The following BNC2 variants were observed in gnomAD, a reference collection of about 807,000 sequenced individuals.
BNC2 encodes zinc finger protein basonuclin-2.
A neutral mutation model predicts 76.3 loss-of-function variants in BNC2; 20 were observed. The observed-to-expected ratio is 0.26, with a 90% confidence interval of 0.18 to 0.38. The LOEUF (loss-of-function observed/expected upper bound fraction) is 0.38, where lower values mean the gene tolerates loss of function less well. Ranked by LOEUF, BNC2 falls within the 10% of genes least tolerant of loss-of-function variation. The pLI is 1.00. For synonymous variants in BNC2, 582 were observed against 514.8 expected (o/e 1.13, Z -1.77); for missense variants, 1,382 against 1,399.8 (o/e 0.99, Z 0.20).
intron 3 of BNC2, among the ~76,000 whole-genome samples, chr9:16,584,043 T>C (rs910400028): frequency 6.6e-6 from 1 of 152,220 alleles, no homozygotes; most frequent in African/African-American, 2.4e-5. Context: ...ATTTATCTCA[T>C]ACAGTTAATT....
intron 3 of BNC2, among the ~76,000 whole-genome samples, chr9:16,711,047 G>A (rs1259192783): frequency 6.6e-6 from 1 of 151,838 alleles, no homozygotes; most frequent in Admixed American, 6.6e-5. Context: ...TCCCTCTAAT[G>A]AGAGCAGATG....
chr9:16,578,341 A>G (rs901544688), intron 4 of BNC2, among the ~76,000 whole-genome samples: 1 of 152,212 alleles, frequency 6.6e-6, no homozygotes, highest in African/African-American at 2.4e-5. Flanking sequence ...CATCTAAACT[A>G]TGGACATTAA....
chr9:16,411,549 A>G lies in BNC2; in HGVS notation c.*7440T>C, dbSNP rs1188066374. On this transcript the variant is annotated 3_prime_UTR_variant, in exon 7 of 7. Coordinates refer to ENST00000380672, the MANE Select transcript of BNC2 (RefSeq NM_017637.6). ...CAACTGGTTTTTCAATTAGGATTCTATTAAGATGTCTGATAAACGATTGTA... is the reference window on the plus strand; with the variant it reads ...CAACTGGTTTTTCAATTAGGATTCTGTTAAGATGTCTGATAAACGATTGTA... 1 of 152,632 alleles carries G rather than the reference A, an allele frequency of 6.6e-6. No homozygotes were observed. Among genetic ancestry groups the G allele is most frequent in the African/African-American group, 2.4e-5 (1 of 41,454 alleles). The allele number at this position is 152,632 out of a possible 1,614,324, so 9.5% of individuals were successfully genotyped here. A position where few individuals can be genotyped will look rare whatever the true frequency, so the allele number is the denominator to read the frequency against.
At chr9:16,614,942 T>G (rs1335173459) in intron 3 of BNC2, among the ~76,000 whole-genome samples, 4 of 130,384 alleles carry the variant, frequency 3.1e-5, no homozygotes, top group African/African-American at 3.2e-5. Context: ...GATGACAGAG[T>G]GAGACTCTGT....
intron 1 of BNC2, among the ~76,000 whole-genome samples, chr9:16,852,050 C>T (rs555944116): frequency 6.6e-6 from 1 of 152,290 alleles, no homozygotes; most frequent in South Asian, 2.1e-4. Context: ...ACAGATTTTA[C>T]ACTCTCACCC....
At chr9:16,431,917 T>C (rs1287434311) in intron 6 of BNC2, among the ~76,000 whole-genome samples, 1 of 152,164 alleles carries the variant, frequency 6.6e-6, no homozygotes, top group Non-Finnish European at 1.5e-5. Context: ...CAGGCAGTAA[T>C]GCTCACCCAC....
In BNC2 at chr9:16,861,037, CAA is replaced by C. The variant is rs11306929; in HGVS notation, c.3+9607_3+9608del. Among the ~76,000 whole-genome samples, 832 of 144,070 alleles carry C rather than the reference CAA, an allele frequency of 5.8e-3. 15 individuals carry two copies. The highest frequency in any genetic ancestry group is 0.032 in the Admixed American group (468 of 14,534). The allele number at this position is 144,070 out of a possible 152,430, so 94.5% of individuals were successfully genotyped here. On this transcript the variant is annotated intron_variant, in intron 1 of 6. Transcript: ENST00000380672. ...TGAGCGCCAGAGCAAGACTCTGTCTCAAAAAAAAAAAAAGACAGCTGCGCACA... is the reference window on the plus strand; with the variant it reads ...TGAGCGCCAGAGCAAGACTCTGTCTCAAAAAAAAAAAGACAGCTGCGCACA...
At chr9:16,438,556 G>C (rs1046284544) in intron 5 of BNC2, among the ~76,000 whole-genome samples, 1 of 152,136 alleles carries the variant, frequency 6.6e-6, no homozygotes, top group African/African-American at 2.4e-5. Flanking sequence ...CATGGATTGA[G>C]AGAGATCTAT....
At chr9:16,584,868 T>G (rs562480104) in intron 3 of BNC2, among the ~76,000 whole-genome samples, 1 of 152,160 alleles carries the variant, frequency 6.6e-6, no homozygotes. Context: ...AACAAGAACT[T>G]TACAAATTAT....
chr9:16,736,252 T>C (rs757972117), intron 2 of BNC2, among the ~76,000 whole-genome samples: 1 of 150,356 alleles, frequency 6.7e-6, no homozygotes, highest in Non-Finnish European at 1.5e-5. Flanking sequence ...AAGAAAACCA[T>C]ATTGCAAGGC....
At chr9:16,629,991 G>A (rs1821115231) in intron 3 of BNC2, among the ~76,000 whole-genome samples, 1 of 152,132 alleles carries the variant, frequency 6.6e-6, no homozygotes, top group South Asian at 2.1e-4. Flanking sequence ...TTGATGCTTT[G>A]GATAGCATGT....
intron 1 of BNC2, among the ~76,000 whole-genome samples, chr9:16,800,754 G>T (rs745726468): frequency 1.3e-4 from 20 of 152,256 alleles, no homozygotes; most frequent in Non-Finnish European, 2.5e-4. Context: ...CTGAGGCACT[G>T]CCAACATCAA....
At chr9:16,449,847 G>GC (rs1563789171) in intron 5 of BNC2, among the ~76,000 whole-genome samples, 1 of 137,688 alleles carries the variant, frequency 7.3e-6, no homozygotes, top group Non-Finnish European at 1.5e-5. Flanking sequence ...GGGGCGGGGG[G>GC]GGAGGGTAAC....
intron 5 of BNC2, among the ~76,000 whole-genome samples, chr9:16,446,812 T>C (rs936730233): frequency 7.2e-5 from 11 of 152,020 alleles, no homozygotes; most frequent in Admixed American, 1.3e-4. Context: ...GTACAACATA[T>C]TTAATCATAG....
chr9:16,587,046 T>A (rs924204894), intron 3 of BNC2, among the ~76,000 whole-genome samples: 5 of 152,190 alleles, frequency 3.3e-5, no homozygotes, highest in Non-Finnish European at 7.3e-5. Flanking sequence ...TTCTTAGTTC[T>A]CAGAAAATAG....
chr9:16,479,436 A>T (rs960549896), intron 5 of BNC2, among the ~76,000 whole-genome samples: 48 of 152,254 alleles, frequency 3.2e-4, no homozygotes, highest in African/African-American at 1.1e-3. Flanking sequence ...TCAAGTTTCA[A>T]AAAGGTTCAT....
chr9:16,785,864 T>C (rs1210099607), intron 1 of BNC2, among the ~76,000 whole-genome samples: 2 of 150,640 alleles, frequency 1.3e-5, no homozygotes, highest in Non-Finnish European at 3.0e-5. Context: ...CAGAAACAAA[T>C]GGCAATGTGA....
At chr9:16,697,608 C>G (rs1481681109) in intron 3 of BNC2, among the ~76,000 whole-genome samples, 1 of 86,664 alleles carries the variant, frequency 1.2e-5, no homozygotes, top group Non-Finnish European at 4.0e-5. Context: ...GTAATCCCAG[C>G]TAGTTGGGAG....
chr9:16,491,144 C>A (rs576397250), intron 5 of BNC2, among the ~76,000 whole-genome samples: 1 of 151,970 alleles, frequency 6.6e-6, no homozygotes, highest in Non-Finnish European at 1.5e-5. Context: ...AGCAAGGCAC[C>A]GAGAGCAAAG....
Sources: allele counts gnomAD v4.1 joint callset (sites outside exome capture counted in the v4.1 genomes callset), GRCh38; gene constraint gnomAD v4.1.1; transcripts MANE v1.5; gene names NCBI Gene and HGNC (gene_info 2026-07-23, HGNC 2026-07-21).